Variants in ERAP2 observed in about 807,000 individuals in gnomAD.
ERAP2 encodes endoplasmic reticulum aminopeptidase 2.
ERAP2 carries 118 observed loss-of-function variants against 111.1 expected under a neutral mutation model. That is an observed-to-expected ratio of 1.06 (90% confidence interval 0.92 to 1.24). The LOEUF (loss-of-function observed/expected upper bound fraction) is 1.24, where lower values mean the gene tolerates loss of function less well. Ranked by LOEUF, ERAP2 falls within the 50% of genes most tolerant of loss-of-function variation. ERAP2 has a pLI of 0.00. For synonymous variants in ERAP2, 410 were observed against 401.2 expected (o/e 1.02, Z -0.26); for missense variants, 1,131 against 1,125.8 (o/e 1.00, Z -0.07).
At position 96,879,626 on chromosome 5, in the gene ERAP2, T is replaced by G; in HGVS notation, c.-60T>G. ...TGTGACATAACTGGAGCCAGTGCAG[T>G]GCCATGAAGAACTACGAGATTAGCC... On this transcript the variant is annotated 5_prime_UTR_variant, in exon 2 of 19. Coordinates refer to ENST00000437043, the MANE Select transcript of ERAP2 (RefSeq NM_022350.5). The G allele has an allele frequency of 7.2e-7, 1 of 1,391,882 alleles. No homozygotes were observed. The highest frequency in any genetic ancestry group is 1.0e-6 in the Non-Finnish European group (1 of 988,626). The allele number at this position is 1,391,882 out of a possible 1,614,324, so 86.2% of individuals were successfully genotyped here. A position where few individuals can be genotyped will look rare whatever the true frequency, so the allele number is the denominator to read the frequency against.
chr5:96,886,861 T>G, intron 4 of ERAP2, 72 bp downstream of exon 4: 1 of 1,251,496 alleles, frequency 8.0e-7, no homozygotes, highest in Non-Finnish European at 1.0e-6. Context: ...TGTTTTCTCA[T>G]GTTTTTCATT....
chr5:96,881,083 G>A lies in ERAP2; in HGVS notation c.575+823G>A, dbSNP rs1485878453. 4.7e-5 allele frequency: 11 copies of A among 233,290 alleles called. No homozygotes were observed. The Admixed American group carries it at 5.2e-4, about 11-fold the overall frequency. 14.5% of individuals were successfully genotyped at this position (233,290 alleles called of 1,614,324 possible). A position where few individuals can be genotyped will look rare whatever the true frequency, so the allele number is the denominator to read the frequency against. On this transcript the variant is annotated intron_variant, in intron 2 of 18. Transcript: ENST00000437043. ...GAGGAAGGCCAGTGTAAGCTGAGGAGAGCGAACAAGAGGGAGAAAGGGATC... is the reference window on the plus strand; with the variant it reads ...GAGGAAGGCCAGTGTAAGCTGAGGAAAGCGAACAAGAGGGAGAAAGGGATC...
intron 5 of ERAP2, 35 bp downstream of exon 5, chr5:96,889,340 TG>T (rs764579452): frequency 3.7e-6 from 6 of 1,612,924 alleles, no homozygotes; most frequent in Non-Finnish European, 8.5e-7. Flanking sequence ...TCTTCATTTT[TG>T]CTCATAAAAC....
intron 16 of ERAP2, 130 bp from the exon 17 acceptor site, chr5:96,913,187 T>A: frequency 4.3e-6 from 3 of 690,960 alleles, no homozygotes; most frequent in East Asian, 3.0e-5. Context: ...AATTGAAACA[T>A]TAAAAAATTG....
At chr5:96,880,686 G>A (rs1561356960) in intron 2 of ERAP2, among the ~76,000 whole-genome samples, 1 of 141,430 alleles carries the variant, frequency 7.1e-6, no homozygotes, top group Non-Finnish European at 1.5e-5. Flanking sequence ...GACTCATATC[G>A]AATAGTCAGA....
chr5:96,887,645 T>C (rs1783900262), intron 4 of ERAP2, among the ~76,000 whole-genome samples: 2 of 152,206 alleles, frequency 1.3e-5, no homozygotes, highest in Non-Finnish European at 2.9e-5. Context: ...TGAAAGAAGA[T>C]CTTTATAATT....
intron 5 of ERAP2, 196 bp downstream of exon 5, chr5:96,889,501 T>C: frequency 1.4e-6 from 1 of 710,908 alleles, no homozygotes; most frequent in East Asian, 2.5e-5. Flanking sequence ...ACAGTGTGGA[T>C]CATTTCTCTA....
intron 4 of ERAP2, among the ~76,000 whole-genome samples, chr5:96,887,155 T>C (rs1474194029): frequency 3.3e-5 from 5 of 150,350 alleles, no homozygotes; most frequent in African/African-American, 9.7e-5. Flanking sequence ...CAAAATAATA[T>C]ATTGACTATT....
chr5:96,911,279 A>T (rs1407406167), intron 15 of ERAP2, among the ~76,000 whole-genome samples: 1 of 152,242 alleles, frequency 6.6e-6, no homozygotes, highest in Non-Finnish European at 1.5e-5. Flanking sequence ...TCACTTTGTG[A>T]CAAATGCAAA....
chr5:96,909,770 T>C lies in ERAP2; in HGVS notation c.2354+6T>C, dbSNP rs1786500673. 6 of 1,613,350 alleles carry C rather than the reference T, an allele frequency of 3.7e-6. No homozygotes were observed. Among genetic ancestry groups the C allele is most frequent in the Non-Finnish European group, 5.1e-6 (6 of 1,179,402 alleles). On this transcript the variant is annotated splice_donor_region_variant and intron_variant, in intron 15 of 18. Transcript: ENST00000437043. ...GAATCCAGTGGAAAATTAAAGTAGA[T>C]GTAGACTTCTGTCCTACCCTTTGTT...
At chr5:96,884,146 CTT>C (rs11337784) in intron 3 of ERAP2, among the ~76,000 whole-genome samples, 12 of 151,218 alleles carry the variant, frequency 7.9e-5, no homozygotes, top group Non-Finnish European at 1.2e-4. Context: ...ACACAGGAAG[CTT>C]TTTTTTTCCC....
intron 16 of ERAP2, 53 bp from the exon 17 acceptor site, chr5:96,913,264 G>GTCCAT (rs1312711390): frequency 6.9e-7 from 1 of 1,457,462 alleles, no homozygotes; most frequent in African/African-American, 1.4e-5. Context: ...TTGAGTTAAT[G>GTCCAT]TCCATGTACA....
chr5:96,904,550 C>A (rs1416126270), intron 13 of ERAP2, among the ~76,000 whole-genome samples: 1 of 152,114 alleles, frequency 6.6e-6, no homozygotes, highest in Non-Finnish European at 1.5e-5. Context: ...GGAGGCATAG[C>A]TCATTGGAGG....
At chr5:96,896,965 T>TAAGTCATATGTTGGGTAACGATAAACTG in intron 9 of ERAP2, 102 bp downstream of exon 9, 1 of 987,684 alleles carries the variant, frequency 1.0e-6, no homozygotes, top group Non-Finnish European at 1.4e-6. Context: ...GTCAACCATA[T>TAAGTCATATGTTGGGTAACGATAAACTG]TTATTCTGCT....
chr5:96,877,241 C>G (rs148441023), intron 1 of ERAP2, among the ~76,000 whole-genome samples: 4,710 of 152,296 alleles, frequency 0.031, 259 homozygotes, highest in African/African-American at 0.11. Flanking sequence ...TCCCAAAATG[C>G]TGGCATTACA....
intron 5 of ERAP2, among the ~76,000 whole-genome samples, chr5:96,890,152 C>T (rs141606464): frequency 2.0e-5 from 3 of 152,058 alleles, no homozygotes; most frequent in African/African-American, 7.2e-5. Flanking sequence ...AAATAAAAAA[C>T]GTTATTTTTA....
intron 3 of ERAP2, among the ~76,000 whole-genome samples, chr5:96,885,937 C>T (rs565371299): frequency 6.6e-6 from 1 of 152,332 alleles, no homozygotes; most frequent in South Asian, 2.1e-4. Flanking sequence ...TGGACAGAAG[C>T]TTAAATTACT....
rs1400662920 is a variant in ERAP2 at position 96,879,547 on chromosome 5, G to A, written c.-122-17G>A. The A allele has an allele frequency of 3.2e-6, 2 of 627,150 alleles. No individual in the cohort carries two copies. Among genetic ancestry groups the A allele is most frequent in the Admixed American group, 2.9e-5 (1 of 34,188 alleles). 38.8% of individuals were successfully genotyped at this position (627,150 alleles called of 1,614,324 possible). On this transcript the variant is annotated splice_polypyrimidine_tract_variant and intron_variant, in intron 1 of 18. Transcript: ENST00000437043. Reference sequence around the variant, plus strand: ...AAATCTTTTTTGTCATGCTATAAGTGTGTTTTTTTCTTCTAGATTAAATTC... The same window carrying A: ...AAATCTTTTTTGTCATGCTATAAGTATGTTTTTTTCTTCTAGATTAAATTC...
chr5:96,893,244 C>T (rs1273403421), intron 6 of ERAP2, among the ~76,000 whole-genome samples: 3 of 152,150 alleles, frequency 2.0e-5, no homozygotes, highest in African/African-American at 7.2e-5. Context: ...CTCAGTAATG[C>T]AGTAAATTAT....
Sources: allele counts gnomAD v4.1 joint callset (sites outside exome capture counted in the v4.1 genomes callset), GRCh38; gene constraint gnomAD v4.1.1; transcripts MANE v1.5; gene names NCBI Gene and HGNC (gene_info 2026-07-23, HGNC 2026-07-21).